Variants in THAP4 observed in about 807,000 individuals in gnomAD.
The protein encoded by THAP4 is peroxynitrite isomerase THAP4.
THAP4 carries 18 observed loss-of-function variants against 48.1 expected under a neutral mutation model. The observed-to-expected ratio is 0.37, with a 90% CI of 0.26 to 0.56. The LOEUF (loss-of-function observed/expected upper bound fraction) is 0.56, where lower values mean the gene tolerates loss of function less well. Ranked by LOEUF, THAP4 falls within the 20% of genes least tolerant of loss-of-function variation. The pLI is 0.78. For synonymous variants in THAP4, 345 were observed against 324.9 expected (o/e 1.06, Z -0.66); for missense variants, 656 against 774.9 (o/e 0.85, Z 1.82).
chr2:241,602,038 C>T lies in THAP4; in HGVS notation c.1511-39G>A, dbSNP rs376979499. 188 of 1,594,942 alleles carry T rather than the reference C, an allele frequency of 1.2e-4. No individual in the cohort carries two copies. The African/African-American group carries it at 2.0e-3, about 17-fold the overall frequency. Reference sequence around the variant, plus strand: ...GCAGTCAGCTCACCCAGCAGCTGCTCGGCTTGCAGAGAGGCAGCCTTGACT... The same window carrying T: ...GCAGTCAGCTCACCCAGCAGCTGCTTGGCTTGCAGAGAGGCAGCCTTGACT... On this transcript the variant is annotated intron_variant, in intron 4 of 5. Transcript: ENST00000407315.
chr2:241,587,807 C>T (rs559982465), intron 5 of THAP4, among the ~76,000 whole-genome samples: 9 of 151,802 alleles, frequency 5.9e-5, no homozygotes, highest in East Asian at 3.9e-4. Flanking sequence ...CCCAGCTACT[C>T]GGGAGGCTGA....
chr2:241,636,555 G>A (rs1040581873), intron 1 of THAP4, among the ~76,000 whole-genome samples: 2 of 152,254 alleles, frequency 1.3e-5, no homozygotes, highest in African/African-American at 4.8e-5. Context: ...GGAGGCGCAG[G>A]TCGCGTCTGC....
intron 2 of THAP4, among the ~76,000 whole-genome samples, chr2:241,609,063 G>A (rs1439431159): frequency 6.6e-6 from 1 of 152,248 alleles, no homozygotes; most frequent in African/African-American, 2.4e-5. Context: ...CGAGAAGGCT[G>A]AGTGGGAGGG....
intron 2 of THAP4, among the ~76,000 whole-genome samples, chr2:241,621,062 G>C (rs559560618): frequency 3.3e-5 from 5 of 152,262 alleles, no homozygotes; most frequent in African/African-American, 1.2e-4. Context: ...AAAATTACTG[G>C]TTAGTTTGGG....
chr2:241,606,033 TAAA>T (rs1179579879), intron 3 of THAP4, among the ~76,000 whole-genome samples: 1 of 152,240 alleles, frequency 6.6e-6, no homozygotes, highest in Non-Finnish European at 1.5e-5. Flanking sequence ...TTTTGATACA[TAAA>T]TTAAGTACAT....
At chr2:241,585,947 GAAAA>G (rs1485235074) in intron 5 of THAP4, among the ~76,000 whole-genome samples, 1 of 127,644 alleles carries the variant, frequency 7.8e-6, no homozygotes, top group South Asian at 3.1e-4. Flanking sequence ...AAAAGAAAAA[GAAAA>G]AGAAAGAAAA....
At chr2:241,629,083 G>A in intron 2 of THAP4, among the ~76,000 whole-genome samples, 1 of 152,088 alleles carries the variant, frequency 6.6e-6, no homozygotes, top group East Asian at 1.9e-4. Context: ...CCGGAACTAA[G>A]ATGACATACA....
chr2:241,584,920 G>A (rs749206444), intron 5 of THAP4, 195 bp from the exon 6 acceptor site: 233 of 647,818 alleles, frequency 3.6e-4, no homozygotes, highest in Non-Finnish European at 5.4e-4. Context: ...GCCTCCAGAA[G>A]ACCACCAGGG....
rs1334551720 is a variant in THAP4, at chr2:241,620,065, GGTGAGTGAGTC to G, written c.1240+12841_1240+12851del. Among the ~76,000 whole-genome samples, 67 of 83,568 alleles carry G rather than the reference GGTGAGTGAGTC, an allele frequency of 8.0e-4. 6 individuals carry two copies. The highest frequency in any genetic ancestry group is 2.4e-3 in the South Asian group (3 of 1,246). 54.8% of individuals were successfully genotyped at this position (83,568 alleles called of 152,430 possible). A position where few individuals can be genotyped will look rare whatever the true frequency, so the allele number is the denominator to read the frequency against. On this transcript the variant is annotated intron_variant, in intron 2 of 5. Coordinates refer to ENST00000407315, the MANE Select transcript of THAP4 (RefSeq NM_015963.6). ...AGGAGTGAGTGAGGGGTGAGTGAGGGGTGAGTGAGTCGTGAGTGAGGGGTGAGTGAGTCGGT... is the reference window on the plus strand; with the variant it reads ...AGGAGTGAGTGAGGGGTGAGTGAGGGGTGAGTGAGGGGTGAGTGAGTCGGT...
At chr2:241,636,545 G>C (rs1389331480) in intron 1 of THAP4, among the ~76,000 whole-genome samples, 1 of 152,254 alleles carries the variant, frequency 6.6e-6, no homozygotes, top group Non-Finnish European at 1.5e-5. Flanking sequence ...TGTCAGCTAC[G>C]GAGGCGCAGG....
upstream of THAP4, chr2:241,637,531 G>A (rs2067700169): frequency 6.9e-7 from 1 of 1,446,368 alleles, no homozygotes; most frequent in African/African-American, 1.5e-5. Flanking sequence ...GGGCGCCCCG[G>A]GGCTCGCGTC....
intron 2 of THAP4, among the ~76,000 whole-genome samples, chr2:241,631,027 C>T (rs1159607740): frequency 1.3e-5 from 2 of 152,036 alleles, no homozygotes; most frequent in African/African-American, 4.8e-5. Flanking sequence ...CACTGCACTC[C>T]AACCTCGGCA....
chr2:241,598,402 C>T (rs1048608726), intron 5 of THAP4, among the ~76,000 whole-genome samples: 2 of 152,118 alleles, frequency 1.3e-5, no homozygotes, highest in African/African-American at 4.8e-5. Context: ...CATATCATGA[C>T]AACTCAGGGT....
intron 5 of THAP4, among the ~76,000 whole-genome samples, chr2:241,589,296 A>G (rs1488720329): frequency 2.0e-5 from 3 of 151,210 alleles, no homozygotes; most frequent in Admixed American, 6.6e-5. Flanking sequence ...ACTGTCTAGG[A>G]AACAGAAAGG....
chr2:241,633,222 G>A lies in THAP4; in HGVS notation c.935C>T (p.Ala312Val). 13 of 1,609,242 alleles carry A rather than the reference G, an allele frequency of 8.1e-6. No individual in the cohort carries two copies. Among genetic ancestry groups the A allele is most frequent in the Non-Finnish European group, 1.1e-5 (13 of 1,177,468 alleles). ...GTGCTCGCTCTGCACGGCTTCCGTG[G>A]CTGGCTTTGGGGTGACGTCGGCAGG... ...APPADVTPKP[A>V]TEAVQSEHSD... The change falls in exon 2 of 6, where the codon GCC becomes GTC. Residue 312 changes from alanine (A) to valine (V), a missense_variant. This residue lies in a region of THAP4 where 391 missense variants were observed against 412.4 expected (regional missense o/e 0.95). Coordinates refer to ENST00000407315, the MANE Select transcript of THAP4 (RefSeq NM_015963.6). The surrounding 1 kb of genome is among the most constrained non-coding windows in gnomAD (Gnocchi z 7.5).
chr2:241,618,710 G>C (rs1302567712), intron 2 of THAP4, among the ~76,000 whole-genome samples: 1 of 152,160 alleles, frequency 6.6e-6, no homozygotes, highest in Non-Finnish European at 1.5e-5. Flanking sequence ...GTGGGAACTT[G>C]ATTTGGACAA....
At chr2:241,613,246 ACCTC>A (rs1418320760) in intron 2 of THAP4, among the ~76,000 whole-genome samples, 10 of 147,870 alleles carry the variant, frequency 6.8e-5, no homozygotes, top group Admixed American at 5.5e-4. Context: ...GCGGAAAGAA[ACCTC>A]CGTAAACACT....
At chr2:241,622,912 T>G (rs960525543) in intron 2 of THAP4, among the ~76,000 whole-genome samples, 2 of 152,142 alleles carry the variant, frequency 1.3e-5, no homozygotes, top group Admixed American at 6.5e-5. Context: ...TGAATATATG[T>G]TGACTATAAG....
Position 241,633,258 on chromosome 2 carries a change from G to A in THAP4, c.899C>T (p.Pro300Leu), listed in dbSNP as rs751980624. The change falls in exon 2 of 6, where the codon CCC (proline) becomes CTC (leucine). Residue 300 changes from proline to leucine, a missense_variant. Pro to Leu is a moderately conservative substitution (Grantham distance 98, BLOSUM62 -3). This residue lies in a region of THAP4 where 391 missense variants were observed against 412.4 expected (regional missense o/e 0.95). Transcript: ENST00000407315. This position sits in a 1 kb window ranked among gnomAD's most constrained non-coding sequence, Gnocchi z 7.5. ...TATPQKPSQS[P>L]SAPPADVTPK... Reference sequence around the variant, plus strand: ...GGTGACGTCGGCAGGAGGGGCAGAGGGGCTCTGGGAAGGCTTCTGCGGTGT... The same window carrying A: ...GGTGACGTCGGCAGGAGGGGCAGAGAGGCTCTGGGAAGGCTTCTGCGGTGT... 3.7e-6 allele frequency: 6 copies of A among 1,610,858 alleles called. No homozygotes were observed. The African/African-American group carries it at 4.0e-5, about 11-fold the overall frequency.
Sources: gnomAD v4.1 joint callset for allele counts (sites outside exome capture counted in the v4.1 genomes callset) on GRCh38, gnomAD v4.1.1 for gene constraint, gnomAD v4.1.1 regional missense constraint, Gnocchi (gnomAD v3.1) non-coding constraint, MANE v1.5 for transcripts, NCBI Gene and HGNC (gene_info 2026-07-23, HGNC 2026-07-21) for gene names.